Variants in CHRM3 observed in about 807,000 individuals in gnomAD.
The protein encoded by CHRM3 is muscarinic acetylcholine receptor M3.
CHRM3 carries 11 observed loss-of-function variants against 41.8 expected under a neutral mutation model. That is an observed-to-expected ratio of 0.26 (90% CI 0.17 to 0.44). The LOEUF (loss-of-function observed/expected upper bound fraction) is 0.44, where lower values mean the gene tolerates loss of function less well. Among genes scored for constraint, CHRM3 ranks in the 20% least tolerant of loss-of-function variants. The pLI is 1.00. For missense variants in CHRM3, 571 were observed against 745.4 expected (o/e 0.77, Z 2.72); for synonymous variants, 297 against 301.4 (o/e 0.99, Z 0.15).
intron 4 of CHRM3, among the ~76,000 whole-genome samples, chr1:239,673,231 TG>T (rs1419357302): frequency 6.6e-6 from 1 of 152,082 alleles, no homozygotes; most frequent in Non-Finnish European, 1.5e-5. Flanking sequence ...GTCCAGAGAA[TG>T]GGGTAGGAAT....
chr1:239,773,645 A>G (rs1667863174), intron 5 of CHRM3, among the ~76,000 whole-genome samples: 1 of 152,178 alleles, frequency 6.6e-6, no homozygotes, highest in South Asian at 2.1e-4. Flanking sequence ...CTGAAAAGGA[A>G]GTCCTCACTA....
At chr1:239,446,084 G>C (rs183925488) in intron 1 of CHRM3, among the ~76,000 whole-genome samples, 2 of 151,984 alleles carry the variant, frequency 1.3e-5, no homozygotes, top group African/African-American at 4.8e-5. Context: ...CTACAGGTGT[G>C]CACCACCACA....
chr1:239,436,169 G>A (rs1398678720), intron 1 of CHRM3, among the ~76,000 whole-genome samples: 1 of 152,176 alleles, frequency 6.6e-6, no homozygotes, highest in Non-Finnish European at 1.5e-5. Flanking sequence ...GTATGGTTTA[G>A]CATTATAGAA....
chr1:239,435,366 G>A (rs568170886), intron 1 of CHRM3, among the ~76,000 whole-genome samples: 2 of 151,410 alleles, frequency 1.3e-5, no homozygotes, highest in Admixed American at 6.6e-5. Context: ...GGAGAATGGC[G>A]TGAACCCGGG....
At chr1:239,746,326 A>G (rs1417080427) in intron 5 of CHRM3, among the ~76,000 whole-genome samples, 2 of 152,356 alleles carry the variant, frequency 1.3e-5, no homozygotes, top group South Asian at 2.1e-4. Context: ...GCACTTTCAC[A>G]TGAGTTTTCA....
At chr1:239,815,773 C>G (rs1343361871) in intron 5 of CHRM3, among the ~76,000 whole-genome samples, 2 of 152,132 alleles carry the variant, frequency 1.3e-5, no homozygotes, top group African/African-American at 2.4e-5. Flanking sequence ...ATATTGGGAC[C>G]TGTATTTGAT....
intron 6 of CHRM3, among the ~76,000 whole-genome samples, chr1:239,893,808 GT>G (rs960927304): frequency 1.5e-4 from 23 of 151,056 alleles, no homozygotes; most frequent in African/African-American, 5.6e-4. Flanking sequence ...AAATTGTAGG[GT>G]TTTTTTCTCA....
Position 239,574,781 on chromosome 1 carries a change from A to G in CHRM3, c.-313+29032A>G, listed in dbSNP as rs138848991. Among the ~76,000 whole-genome samples, 5 of 147,324 alleles carry G rather than the reference A, an allele frequency of 3.4e-5. No homozygotes were observed. The South Asian group carries it at 8.6e-4, about 25-fold the overall frequency. On this transcript the variant is annotated intron_variant, in intron 3 of 6. Coordinates refer to ENST00000676153, the MANE Select transcript of CHRM3 (RefSeq NM_001375978.1). ...CTCCTCCTCTTTCTCCTTCTTTTTC[A>G]TCTTTTTTCTTCCTCTTCTTTCTTT...
chr1:239,856,895 G>T (rs1387683632), intron 6 of CHRM3, among the ~76,000 whole-genome samples: 1 of 152,186 alleles, frequency 6.6e-6, no homozygotes. Context: ...ATTTTGCAAA[G>T]AAGGTAGGTA....
At position 239,872,649 on chromosome 1, in the gene CHRM3, G is replaced by A. The variant is rs151088846; in HGVS notation, c.-19-34784G>A. Reference sequence around the variant, plus strand: ...ACTTTTATAGGGAAAAACAAAATAAGGGTAAACATTATACTTATGAAAATG... The same window carrying A: ...ACTTTTATAGGGAAAAACAAAATAAAGGTAAACATTATACTTATGAAAATG... On this transcript the variant is annotated intron_variant, in intron 6 of 6. Transcript: ENST00000676153. 6.0e-4 allele frequency among the ~76,000 whole-genome samples: 91 copies of A among 152,222 alleles called. No individual in the cohort carries two copies. In the East Asian group the frequency reaches 0.015, roughly 24 times the overall value.
chr1:239,618,567 G>C lies in CHRM3; in HGVS notation c.-312-13657G>C, dbSNP rs12129185. ...CACTTAAAAGATAGTCAAGATGGCC[G>C]GGCGCGGTGGCTCACGCCTGTAATC... On this transcript the variant is annotated intron_variant, in intron 3 of 6. Coordinates refer to ENST00000676153, the MANE Select transcript of CHRM3 (RefSeq NM_001375978.1). Among the ~76,000 whole-genome samples the C allele has an allele frequency of 4.6e-5, 7 of 151,454 alleles. No homozygotes were observed. In the South Asian group the frequency reaches 6.3e-4, roughly 14 times the overall value.
chr1:239,842,239 G>C (rs1189505559), intron 6 of CHRM3, among the ~76,000 whole-genome samples: 1 of 150,136 alleles, frequency 6.7e-6, no homozygotes, highest in Non-Finnish European at 1.5e-5. Context: ...AGGGGGTTGG[G>C]GGGACAGAGT....
chr1:239,503,646 C>T (rs1165007546), intron 2 of CHRM3, among the ~76,000 whole-genome samples: 1 of 152,174 alleles, frequency 6.6e-6, no homozygotes, highest in Non-Finnish European at 1.5e-5. Flanking sequence ...GGAGACATCA[C>T]ACTACCTGAT....
chr1:239,537,555 GA>G (rs1658327404), intron 2 of CHRM3, among the ~76,000 whole-genome samples: 1 of 152,124 alleles, frequency 6.6e-6, no homozygotes, highest in South Asian at 2.1e-4. Flanking sequence ...GATTTGGAGG[GA>G]CCTCCAAACT....
At chr1:239,562,557 A>G (rs940103228) in intron 3 of CHRM3, among the ~76,000 whole-genome samples, 1 of 152,060 alleles carries the variant, frequency 6.6e-6, no homozygotes. Context: ...GTAGTGTTCT[A>G]TTTAGATGAT....
chr1:239,915,029 G>A lies in CHRM3; in HGVS notation c.*5805G>A, dbSNP rs1173465309. ...GTTACCAAGTTTGGTGCAGGCTTGA[G>A]GAATAATTACATAAAAATGGGCTTC... On this transcript the variant is annotated 3_prime_UTR_variant, in exon 7 of 7. Coordinates refer to ENST00000676153, the MANE Select transcript of CHRM3 (RefSeq NM_001375978.1). 1 of 167,042 alleles carries A rather than the reference G, an allele frequency of 6.0e-6. No individual in the cohort carries two copies. Among genetic ancestry groups the A allele is most frequent in the East Asian group, 1.9e-4 (1 of 5,188 alleles). The allele number at this position is 167,042 out of a possible 1,614,324, so 10.3% of individuals were successfully genotyped here. A position where few individuals can be genotyped will look rare whatever the true frequency, so the allele number is the denominator to read the frequency against.
chr1:239,599,351 C>G (rs1202241147), intron 3 of CHRM3, among the ~76,000 whole-genome samples: 1 of 151,948 alleles, frequency 6.6e-6, no homozygotes, highest in African/African-American at 2.4e-5. Flanking sequence ...TTTGCAAGCT[C>G]CTGGTGGCTT....
intron 6 of CHRM3, among the ~76,000 whole-genome samples, chr1:239,887,537 A>T (rs1181999025): frequency 6.6e-6 from 1 of 152,194 alleles, no homozygotes. Context: ...GACAGCTTTG[A>T]AAGCTAATTA....
At chr1:239,672,068 A>G (rs987332716) in intron 4 of CHRM3, among the ~76,000 whole-genome samples, 2 of 152,318 alleles carry the variant, frequency 1.3e-5, no homozygotes, top group African/African-American at 4.8e-5. Context: ...TGAGTTATGC[A>G]CAAGACAGGG....
Sources: allele counts gnomAD v4.1 joint callset (sites outside exome capture counted in the v4.1 genomes callset), GRCh38; gene constraint gnomAD v4.1.1; transcripts MANE v1.5; gene names NCBI Gene and HGNC (gene_info 2026-07-23, HGNC 2026-07-21).